The following SLC25A24 variants were observed in gnomAD, a reference collection of about 807,000 sequenced individuals.
SLC25A24 encodes the protein solute carrier family 25 member 24, also known as mitochondrial adenyl nucleotide antiporter SLC25A24.
Under a neutral mutation model 60.7 loss-of-function variants are expected in SLC25A24, and 49 were observed. That is an observed-to-expected ratio of 0.81 (90% confidence interval 0.64 to 1.02). SLC25A24 has a LOEUF of 1.02. SLC25A24 is among the 50% of genes least tolerant of loss of function. SLC25A24 has a pLI of 0.00. For synonymous variants in SLC25A24, 202 were observed against 200.6 expected, an observed-to-expected ratio of 1.01 and a Z score of -0.06; for missense variants, 564 against 586.3, an observed-to-expected ratio of 0.96 and a Z score of 0.39.
chr1:108,166,436 A>G (rs1273653907), intron 3 of SLC25A24, among the ~76,000 whole-genome samples: 3 of 152,118 alleles, frequency 2.0e-5, no homozygotes, highest in African/African-American at 7.3e-5. Context: ...TACACCAATC[A>G]GACATAGATT....
intron 3 of SLC25A24, among the ~76,000 whole-genome samples, chr1:108,163,445 T>C (rs1038255082): frequency 2.7e-5 from 4 of 150,428 alleles, no homozygotes; most frequent in Admixed American, 2.6e-4. Flanking sequence ...TGTTCTTCCA[T>C]TTGTTTGTAT....
At chr1:108,145,969 T>C (rs765311094) in intron 7 of SLC25A24, among the ~76,000 whole-genome samples, 5 of 152,356 alleles carry the variant, frequency 3.3e-5, no homozygotes, top group South Asian at 2.1e-4. Flanking sequence ...GGGGATATCA[T>C]TGAATCTATA....
At chr1:108,193,350 T>C (rs1266954065) in intron 1 of SLC25A24, among the ~76,000 whole-genome samples, 1 of 137,208 alleles carries the variant, frequency 7.3e-6, no homozygotes. Flanking sequence ...CTCCCCCCTT[T>C]TGGAGTCCCT....
chr1:108,189,032 G>C (rs372325590), intron 1 of SLC25A24, among the ~76,000 whole-genome samples: 1 of 152,142 alleles, frequency 6.6e-6, no homozygotes, highest in African/African-American at 2.4e-5. Flanking sequence ...TCAGCAAGTT[G>C]CTTCTTTTTT....
Position 108,143,567 on chromosome 1 carries a change from TG to T in SLC25A24, c.1073del (p.Ala358GlufsTer3). 6.2e-7 allele frequency: 1 copy of T among 1,613,020 alleles called. No homozygotes were observed. Among genetic ancestry groups the T allele is most frequent in the South Asian group, 1.1e-5 (1 of 90,748 alleles). ...VPNLLGIIPY[A>X]GIDLAVYELL... is the part of the protein sequence containing the mutation. ...CCTCATACACAGCAAGATCTATGCC[TG>T]CATAAGGTATGATACCTAATAAATT... On this transcript the variant is annotated frameshift_variant, in exon 8 of 10. Transcript: ENST00000565488. LOFTEE classifies it high-confidence loss of function.
chr1:108,161,318 A>G (rs921019849), intron 3 of SLC25A24, 25 bp from the exon 4 acceptor site: 2 of 1,159,036 alleles, frequency 1.7e-6, no homozygotes, highest in African/African-American at 1.5e-5. Flanking sequence ...AAATGATCAA[A>G]GTACAAAACT....
chr1:108,136,631 G>A lies in SLC25A24; in HGVS notation c.*22C>T. The A allele has an allele frequency of 6.2e-7, 1 of 1,602,910 alleles. No homozygotes were observed. The highest frequency in any genetic ancestry group is 8.5e-7 in the Non-Finnish European group (1 of 1,171,508). ...AGATTGTTGAAAGTTTCAATTATCA[G>A]GCTAAAGCAAAAAATGCAACATCAT... On this transcript the variant is annotated 3_prime_UTR_variant, in exon 10 of 10. Coordinates refer to ENST00000565488, the MANE Select transcript of SLC25A24 (RefSeq NM_013386.5).
At chr1:108,154,133 C>T (rs537778189) in intron 6 of SLC25A24, among the ~76,000 whole-genome samples, 41 of 137,924 alleles carry the variant, frequency 3.0e-4, no homozygotes, top group African/African-American at 1.1e-3. Context: ...CACTGGACTT[C>T]GTAAACTTCT....
At chr1:108,193,491 A>G (rs1648409401) in intron 1 of SLC25A24, among the ~76,000 whole-genome samples, 1 of 139,942 alleles carries the variant, frequency 7.1e-6, no homozygotes. Flanking sequence ...CTGCATTCAT[A>G]TTGCTGCAAA....
chr1:108,198,197 C>G (rs1459269774), intron 1 of SLC25A24, among the ~76,000 whole-genome samples: 10 of 152,146 alleles, frequency 6.6e-5, no homozygotes, highest in Non-Finnish European at 1.2e-4. Flanking sequence ...TTATAAATTA[C>G]CCTGTCTCAG....
chr1:108,148,475 C>T (rs1679667955), intron 6 of SLC25A24, 89 bp from the exon 7 acceptor site: 2 of 768,154 alleles, frequency 2.6e-6, no homozygotes, highest in Non-Finnish European at 4.6e-6. Flanking sequence ...GCTGTAACCT[C>T]CCATGTGATG....
At chr1:108,192,116 A>G (rs571670058) in intron 1 of SLC25A24, among the ~76,000 whole-genome samples, 19 of 138,026 alleles carry the variant, frequency 1.4e-4, no homozygotes, top group African/African-American at 4.8e-4. Context: ...CCCACTCCCA[A>G]ATACACGTAG....
intron 3 of SLC25A24, among the ~76,000 whole-genome samples, chr1:108,178,143 A>G (rs573311998): frequency 6.4e-4 from 97 of 151,578 alleles, no homozygotes; most frequent in African/African-American, 2.2e-3. Context: ...GCCTGGTGAC[A>G]GAGTGAGACT....
rs116720948 is a variant in SLC25A24, at chr1:108,161,065, A to G, written c.510+117T>C. 1.2e-3 allele frequency: 696 copies of G among 602,260 alleles called. 3 individuals are homozygous for G. In the African/African-American group the frequency reaches 0.012, roughly 10 times the overall value. 37.3% of individuals were successfully genotyped at this position (602,260 alleles called of 1,614,324 possible). On this transcript the variant is annotated intron_variant, in intron 4 of 9. Transcript: ENST00000565488. The stretch of plus-strand genomic sequence containing the variant: ...TAGAATAAATAGAACTCTACAGGTT[A>G]AGGAGCTACTGGGACTCAGGTATCC...
At chr1:108,154,673 C>G (rs1486227402) in intron 6 of SLC25A24, among the ~76,000 whole-genome samples, 1 of 152,082 alleles carries the variant, frequency 6.6e-6, no homozygotes, top group Non-Finnish European at 1.5e-5. Context: ...TTTCATAAAA[C>G]TTATGTTAGT....
chr1:108,185,313 A>G (rs1244942529), intron 2 of SLC25A24, among the ~76,000 whole-genome samples: 1 of 152,236 alleles, frequency 6.6e-6, no homozygotes, highest in Non-Finnish European at 1.5e-5. Flanking sequence ...ACCAGAAGGT[A>G]CACACTTAAA....
intron 3 of SLC25A24, among the ~76,000 whole-genome samples, chr1:108,180,302 T>C (rs1571304528): frequency 6.6e-6 from 1 of 151,360 alleles, no homozygotes; most frequent in Non-Finnish European, 1.5e-5. Context: ...GAGGCGGAGG[T>C]TGCAGTGAGC....
chr1:108,171,953 C>T (rs575725823), intron 3 of SLC25A24, among the ~76,000 whole-genome samples: 1 of 152,268 alleles, frequency 6.6e-6, no homozygotes, highest in South Asian at 2.1e-4. Flanking sequence ...CTGAGCTATA[C>T]AAACAAGTCA....
At chr1:108,171,339 C>T (rs1226749585) in intron 3 of SLC25A24, among the ~76,000 whole-genome samples, 1 of 152,116 alleles carries the variant, frequency 6.6e-6, no homozygotes, top group East Asian at 1.9e-4. Flanking sequence ...AACTTACATA[C>T]TATTATTGTC....
Sources: allele counts gnomAD v4.1 joint callset (sites outside exome capture counted in the v4.1 genomes callset), GRCh38; gene constraint gnomAD v4.1.1; transcripts MANE v1.5; gene names NCBI Gene and HGNC (gene_info 2026-07-23, HGNC 2026-07-21).